The following RIPOR2 variants were observed in gnomAD, a reference collection of about 807,000 sequenced individuals.
The protein encoded by RIPOR2 is rho family-interacting cell polarization regulator 2.
A neutral mutation model predicts 114.5 loss-of-function variants in RIPOR2; 39 were observed. The observed-to-expected ratio is 0.34, with a 90% CI of 0.26 to 0.44. The LOEUF (loss-of-function observed/expected upper bound fraction) is 0.44, where lower values mean the gene tolerates loss of function less well. Among genes scored for constraint, RIPOR2 ranks in the 20% least tolerant of loss-of-function variants. RIPOR2 has a pLI of 1.00. For missense variants in RIPOR2, 1,007 were observed against 1,255.1 expected, an observed-to-expected ratio of 0.80 and a Z score of 2.99; for synonymous variants, 445 against 484.4, an observed-to-expected ratio of 0.92 and a Z score of 1.07.
chr6:24,889,417 G>A (rs1767119156), intron 1 of RIPOR2, among the ~76,000 whole-genome samples: 1 of 152,158 alleles, frequency 6.6e-6, no homozygotes, highest in African/African-American at 2.4e-5. Context: ...TATAAGTGAC[G>A]ATGTGTTCTG....
chr6:24,957,842 T>G (rs188705632), intron 1 of RIPOR2, among the ~76,000 whole-genome samples: 210 of 152,286 alleles, frequency 1.4e-3, no homozygotes, highest in African/African-American at 4.1e-3. Context: ...GCCACTGCAC[T>G]CCAGCCTGGG....
chr6:24,931,622 T>G (rs1216178829), intron 1 of RIPOR2, among the ~76,000 whole-genome samples: 3 of 152,232 alleles, frequency 2.0e-5, no homozygotes, highest in African/African-American at 7.2e-5. Context: ...TGGGGGACAT[T>G]TGAAAATCTG....
At chr6:24,912,701 CAT>C (rs948355527) in intron 1 of RIPOR2, among the ~76,000 whole-genome samples, 3 of 152,202 alleles carry the variant, frequency 2.0e-5, no homozygotes, top group African/African-American at 7.2e-5. Flanking sequence ...CTAATGGTCT[CAT>C]AGGACGAATC....
intron 1 of RIPOR2, among the ~76,000 whole-genome samples, chr6:24,917,549 AGACG>A (rs1425903461): frequency 1.3e-5 from 2 of 151,908 alleles, no homozygotes; most frequent in Non-Finnish European, 2.9e-5. Context: ...TTTTTTCTTG[AGACG>A]GAGTCTTGCT....
At position 24,860,462 on chromosome 6, in the gene RIPOR2, G is replaced by A. The variant is rs372597532; in HGVS notation, c.715+511C>T. 8.5e-5 allele frequency among the ~76,000 whole-genome samples: 13 copies of A among 152,264 alleles called. No individual in the cohort carries two copies. The South Asian group carries it at 1.9e-3, about 22-fold the overall frequency. On this transcript the variant is annotated intron_variant, in intron 8 of 21. Transcript: ENST00000643898. ...TACAAGGCATTTTTGAGACAACGGGGGAAATCTGATAATGGAATGGGTTAA... is the reference window on the plus strand; with the variant it reads ...TACAAGGCATTTTTGAGACAACGGGAGAAATCTGATAATGGAATGGGTTAA...
intron 1 of RIPOR2, among the ~76,000 whole-genome samples, chr6:24,992,893 AAAC>A (rs1217906001): frequency 1.3e-5 from 2 of 152,232 alleles, no homozygotes; most frequent in Non-Finnish European, 2.9e-5. Flanking sequence ...CATGATTTTA[AAAC>A]AACGACAGCA....
At chr6:24,916,634 A>C (rs976842332) in intron 1 of RIPOR2, among the ~76,000 whole-genome samples, 2 of 152,254 alleles carry the variant, frequency 1.3e-5, no homozygotes, top group African/African-American at 2.4e-5. Flanking sequence ...GACAAGTGAC[A>C]GCTGGGTCTT....
In RIPOR2 at chr6:24,830,586, G is replaced by C. The variant is rs1252786981; in HGVS notation, c.2429C>G (p.Ala810Gly). The change falls in exon 17 of 22, where the codon GCG (alanine) becomes GGG (glycine). Residue 810 changes from alanine (A) to glycine (G), a missense_variant. By Grantham distance (60) the Ala-to-Gly change is moderately conservative. Transcript: ENST00000643898. ...CTCCAGCTGCTTCATCACTCTGTCC[G>C]CTGGGCTGTGGTAGACACCAACAGG... ...CSPVGVYHSP[A>G]DRVMKQLEAS... 2 of 1,551,498 alleles carry C rather than the reference G, an allele frequency of 1.3e-6. No homozygotes were observed. Among genetic ancestry groups the C allele is most frequent in the East Asian group, 4.9e-5 (2 of 40,924 alleles).
intron 1 of RIPOR2, among the ~76,000 whole-genome samples, chr6:24,952,290 T>G (rs77307440): frequency 0.012 from 1,768 of 152,332 alleles, 14 homozygotes; most frequent in Non-Finnish European, 0.019. Flanking sequence ...TCTCTATTAT[T>G]CTTTCCTATC....
At chr6:24,839,455 T>C in intron 13 of RIPOR2, 183 bp from the exon 14 acceptor site, 2 of 1,436,978 alleles carry the variant, frequency 1.4e-6, no homozygotes, top group Non-Finnish European at 1.9e-6. Context: ...ATGGATAAAA[T>C]GGCACAATAT....
At chr6:25,027,086 A>C (rs1324747264) in intron 1 of RIPOR2, among the ~76,000 whole-genome samples, 1 of 152,242 alleles carries the variant, frequency 6.6e-6, no homozygotes, top group Non-Finnish European at 1.5e-5. Flanking sequence ...ATTTCCAAAT[A>C]TTAAAACAAA....
chr6:25,030,541 ACTC>A (rs1776872888), intron 1 of RIPOR2, among the ~76,000 whole-genome samples: 2 of 152,218 alleles, frequency 1.3e-5, no homozygotes, highest in South Asian at 4.1e-4. Flanking sequence ...ATGGGATACT[ACTC>A]AGCAATGAAG....
intron 1 of RIPOR2, among the ~76,000 whole-genome samples, chr6:24,992,417 T>C (rs912203769): frequency 6.6e-6 from 1 of 152,154 alleles, no homozygotes; most frequent in African/African-American, 2.4e-5. Flanking sequence ...GGTATTCCTA[T>C]ACACTAGCAA....
chr6:24,950,939 A>G (rs1772718302), intron 1 of RIPOR2, among the ~76,000 whole-genome samples: 1 of 152,214 alleles, frequency 6.6e-6, no homozygotes, highest in Admixed American at 6.5e-5. Flanking sequence ...CTTGTGTGTC[A>G]GTTTTGAAGG....
At chr6:24,884,777 A>G (rs1268820226) in intron 1 of RIPOR2, among the ~76,000 whole-genome samples, 20 of 152,248 alleles carry the variant, frequency 1.3e-4, no homozygotes, top group Admixed American at 1.3e-3. Flanking sequence ...TCAGGAGACT[A>G]CTTGGACATG....
intron 7 of RIPOR2, among the ~76,000 whole-genome samples, chr6:24,862,339 G>A (rs542027907): frequency 4.2e-4 from 64 of 152,328 alleles, no homozygotes; most frequent in Non-Finnish European, 7.8e-4. Context: ...AAGGCTAGGG[G>A]TTCGAGGGTG....
At chr6:25,003,129 G>A (rs1389557270) in intron 1 of RIPOR2, among the ~76,000 whole-genome samples, 1 of 152,158 alleles carries the variant, frequency 6.6e-6, no homozygotes, top group Admixed American at 6.5e-5. Context: ...ATTGTAGAGA[G>A]AAAAGATTGG....
chr6:25,031,733 A>G lies in RIPOR2; in HGVS notation c.76+10118T>C, dbSNP rs1353618081. Reference sequence around the variant, plus strand: ...TATATATATATATATATATATATATATATATATATATATATATAAAATATC... The same window carrying G: ...TATATATATATATATATATATATATGTATATATATATATATATAAAATATC... On this transcript the variant is annotated intron_variant, in intron 1 of 13. Coordinates refer to the RIPOR2 transcript ENST00000510784. Among the ~76,000 whole-genome samples, 9 of 109,938 alleles carry G rather than the reference A, an allele frequency of 8.2e-5. 1 individual carries two copies. Among genetic ancestry groups the G allele is most frequent in the South Asian group, 8.1e-4 (3 of 3,708 alleles). The allele number at this position is 109,938 out of a possible 152,430, so 72.1% of individuals were successfully genotyped here.
chr6:24,856,962 AC>A (rs1763533896), intron 8 of RIPOR2, among the ~76,000 whole-genome samples: 1 of 152,032 alleles, frequency 6.6e-6, no homozygotes, highest in Non-Finnish European at 1.5e-5. Flanking sequence ...TGAGAAAGGT[AC>A]TTGGTAGTGA....
Sources: gnomAD v4.1 joint callset for allele counts (sites outside exome capture counted in the v4.1 genomes callset) on GRCh38, gnomAD v4.1.1 for gene constraint, MANE v1.5 for transcripts, NCBI Gene and HGNC (gene_info 2026-07-23, HGNC 2026-07-21) for gene names.